The following ZNF804B variants were observed in gnomAD, a reference collection of about 807,000 sequenced individuals.
ZNF804B encodes the protein zinc finger protein 804B.
In ZNF804B, 80 loss-of-function variants were observed where a neutral mutation model predicts 101.4. The ratio of observed to expected loss-of-function variants is 0.79; its 90% CI spans 0.66 to 0.95. The LOEUF (loss-of-function observed/expected upper bound fraction) is 0.95, where lower values mean the gene tolerates loss of function less well. ZNF804B is among the 40% of genes least tolerant of loss of function. The probability of loss-of-function intolerance (pLI) is 0.00; values close to 1 mark genes in which losing one functional copy is unlikely to be tolerated. For missense variants in ZNF804B, 1,673 were observed against 1,561.9 expected (o/e 1.07, Z -1.20); for synonymous variants, 622 against 558.8 (o/e 1.11, Z -1.59).
intron 1 of ZNF804B, among the ~76,000 whole-genome samples, chr7:89,013,185 C>G (rs1386667333): frequency 2.6e-5 from 4 of 152,048 alleles, no homozygotes; most frequent in Non-Finnish European, 5.9e-5. Context: ...CAGAGCCAAA[C>G]CATATCAAGT....
chr7:88,927,600 A>T (rs1257629081), intron 1 of ZNF804B, among the ~76,000 whole-genome samples: 2 of 152,088 alleles, frequency 1.3e-5, no homozygotes, highest in Admixed American at 6.5e-5. Flanking sequence ...AAGTTCATTG[A>T]CATTGATTCT....
chr7:88,818,578 A>G (rs1790922652), intron 1 of ZNF804B, among the ~76,000 whole-genome samples: 3 of 152,194 alleles, frequency 2.0e-5, no homozygotes, highest in Admixed American at 1.3e-4. Flanking sequence ...ATTATAAGAT[A>G]ATAATGTAGA....
rs373128195 is a variant in ZNF804B at position 89,335,939 on chromosome 7, C to A, written c.2957C>A (p.Ala986Glu). The change falls in exon 4 of 4, where the codon GCA (alanine) becomes GAA (glutamate). Residue 986 changes from alanine (A) to glutamate (E), a missense_variant. Physicochemically the swap from Ala to Glu is moderately radical, Grantham distance 107. Coordinates refer to ENST00000333190, the MANE Select transcript of ZNF804B (RefSeq NM_181646.5). ...ALPLSEKIQY[A>E]SESRNDQDSA... The stretch of plus-strand genomic sequence containing the variant: ...CCTTTGTCTGAAAAAATACAGTATG[C>A]AAGTGAGAGCAGAAATGATCAAGAC... 3.7e-5 allele frequency: 59 copies of A among 1,613,898 alleles called. No individual in the cohort carries two copies. The highest frequency in any genetic ancestry group is 8.0e-5 in the African/African-American group (6 of 74,892).
At chr7:89,245,551 G>T (rs1789429794) in intron 2 of ZNF804B, among the ~76,000 whole-genome samples, 1 of 152,074 alleles carries the variant, frequency 6.6e-6, no homozygotes, top group African/African-American at 2.4e-5. Flanking sequence ...TACATACTTG[G>T]AAATTGTAAG....
At chr7:88,984,772 T>A (rs1308987719) in intron 1 of ZNF804B, among the ~76,000 whole-genome samples, 1 of 152,086 alleles carries the variant, frequency 6.6e-6, no homozygotes, top group Admixed American at 6.6e-5. Flanking sequence ...TTGTTTCTTT[T>A]TAAACTTCTA....
chr7:89,293,989 T>C (rs759563097), intron 2 of ZNF804B, among the ~76,000 whole-genome samples: 1 of 152,202 alleles, frequency 6.6e-6, no homozygotes, highest in Non-Finnish European at 1.5e-5. Flanking sequence ...GCTGAAATTG[T>C]CCTACCCATT....
chr7:88,929,598 A>G (rs2189749), intron 1 of ZNF804B, among the ~76,000 whole-genome samples: 13,961 of 151,900 alleles, frequency 0.092, 736 homozygotes, highest in East Asian at 0.2. Flanking sequence ...GGAATCTGTC[A>G]CTTTCTCTGT....
In ZNF804B at chr7:89,158,769, T is replaced by C. The variant is rs941951176; in HGVS notation, c.109-59386T>C. On this transcript the variant is annotated intron_variant, in intron 1 of 3. Transcript: ENST00000333190. ...TCATCCTCCAGGTCTTTGCACAAAC[T>C]TTCTTTCTATTAAAAATTCCCTTTT... is the stretch of plus-strand genomic sequence containing the variant. 6.6e-5 allele frequency among the ~76,000 whole-genome samples: 10 copies of C among 152,142 alleles called. No individual in the cohort carries two copies. The East Asian group carries it at 1.9e-3, about 29-fold the overall frequency.
At chr7:88,807,417 A>G (rs1166586602) in intron 1 of ZNF804B, among the ~76,000 whole-genome samples, 1 of 152,222 alleles carries the variant, frequency 6.6e-6, no homozygotes, top group Non-Finnish European at 1.5e-5. Context: ...ACCACACCAT[A>G]CAGAAGAGCT....
At chr7:89,132,169 T>TACACACACACACAC (rs59188340) in intron 1 of ZNF804B, among the ~76,000 whole-genome samples, 3 of 131,338 alleles carry the variant, frequency 2.3e-5, no homozygotes, top group African/African-American at 6.4e-5. Context: ...CACGCACACA[T>TACACACACACACAC]ACACACACAC....
intron 2 of ZNF804B, among the ~76,000 whole-genome samples, chr7:89,266,140 C>A (rs1029687814): frequency 6.6e-6 from 1 of 152,066 alleles, no homozygotes; most frequent in Non-Finnish European, 1.5e-5. Context: ...CAGAACAGGG[C>A]CATTTCCATT....
intron 1 of ZNF804B, among the ~76,000 whole-genome samples, chr7:88,922,680 A>G (rs1792736078): frequency 6.6e-6 from 1 of 151,996 alleles, no homozygotes; most frequent in Non-Finnish European, 1.5e-5. Flanking sequence ...CATAGTCTGT[A>G]GGGAATGTGT....
At chr7:89,003,138 T>C (rs1230984791) in intron 1 of ZNF804B, among the ~76,000 whole-genome samples, 8 of 151,896 alleles carry the variant, frequency 5.3e-5, no homozygotes, top group Non-Finnish European at 7.4e-5. Context: ...TAGTAATTGT[T>C]TCATATGTGG....
intron 1 of ZNF804B, among the ~76,000 whole-genome samples, chr7:88,899,903 G>A (rs1199891269): frequency 6.6e-6 from 1 of 152,126 alleles, no homozygotes; most frequent in Non-Finnish European, 1.5e-5. Context: ...TATTTTATGA[G>A]ATAATTAACA....
chr7:89,146,396 T>C (rs1790791485), intron 1 of ZNF804B, among the ~76,000 whole-genome samples: 1 of 152,070 alleles, frequency 6.6e-6, no homozygotes, highest in Admixed American at 6.6e-5. Flanking sequence ...GCATTGAAAT[T>C]ATGAGCCATC....
intron 1 of ZNF804B, among the ~76,000 whole-genome samples, chr7:88,852,149 G>A (rs1356679423): frequency 1.3e-5 from 2 of 152,056 alleles, no homozygotes; most frequent in African/African-American, 4.8e-5. Context: ...TTCAGCATCT[G>A]GTTGTACTTG....
intron 2 of ZNF804B, among the ~76,000 whole-genome samples, chr7:89,295,847 T>C (rs992403187): frequency 6.6e-6 from 1 of 152,110 alleles, no homozygotes; most frequent in African/African-American, 2.4e-5. Context: ...ACAATGTATT[T>C]TGCAGCAATG....
At chr7:89,152,413 T>C (rs1047831739) in intron 1 of ZNF804B, among the ~76,000 whole-genome samples, 1 of 151,982 alleles carries the variant, frequency 6.6e-6, no homozygotes, top group African/African-American at 2.4e-5. Flanking sequence ...GTTTAGAAAA[T>C]TTTTCAGCTT....
At chr7:89,278,349 G>A (rs1182524744) in intron 2 of ZNF804B, among the ~76,000 whole-genome samples, 4 of 151,506 alleles carry the variant, frequency 2.6e-5, no homozygotes, top group East Asian at 3.9e-4. Context: ...AAGCTCTTTA[G>A]TTTAATTAGA....
Sources: gnomAD v4.1 joint callset for allele counts (sites outside exome capture counted in the v4.1 genomes callset) on GRCh38, gnomAD v4.1.1 for gene constraint, MANE v1.5 for transcripts, NCBI Gene and HGNC (gene_info 2026-07-23, HGNC 2026-07-21) for gene names.